ZNF407: variants seen among roughly 807,000 people sequenced by gnomAD.
ZNF407 encodes the protein zinc finger protein 407.
ZNF407 carries 17 observed loss-of-function variants against 131.2 expected under a neutral mutation model. The observed-to-expected ratio is 0.13, with a 90% confidence interval of 0.09 to 0.19. ZNF407 has a LOEUF of 0.19. Among genes scored for constraint, ZNF407 ranks in the 10% least tolerant of loss-of-function variants. The probability of loss-of-function intolerance (pLI) is 1.00; values close to 1 mark genes in which losing one functional copy is unlikely to be tolerated. For synonymous variants in ZNF407, 1,156 were observed against 1,062.0 expected (o/e 1.09, Z -1.72); for missense variants, 2,681 against 2,830.6 (o/e 0.95, Z 1.20).
intron 4 of ZNF407, among the ~76,000 whole-genome samples, chr18:74,855,873 A>C (rs980420314): frequency 3.3e-5 from 5 of 152,154 alleles, no homozygotes; most frequent in African/African-American, 4.8e-5. Flanking sequence ...TATACTTTAC[A>C]TTTTTGCTTT....
At chr18:74,868,836 G>T (rs1369644234) in intron 4 of ZNF407, among the ~76,000 whole-genome samples, 1 of 152,214 alleles carries the variant, frequency 6.6e-6, no homozygotes, top group South Asian at 2.1e-4. Context: ...ATACTGTGGG[G>T]TTCTGATGTT....
intron 4 of ZNF407, chr18:74,804,216 G>GAATCAC (rs1970072831): frequency 3.1e-6 from 4 of 1,295,382 alleles, no homozygotes; most frequent in Non-Finnish European, 3.9e-6. Context: ...TCACACAAAT[G>GAATCAC]TAGGCTAGTC....
Position 74,632,679 on chromosome 18 carries a change from G to C in ZNF407, c.1660G>C (p.Glu554Gln). Reference protein sequence around the residue: ...EIHVKRCHAREMKFYCRTCDF... With the variant: ...EIHVKRCHARQMKFYCRTCDF... ...CCATGTGAAAAGGTGCCATGCCAGAGAGATGAAATTTTACTGCCGTACTTG... is the reference window on the plus strand; with the variant it reads ...CCATGTGAAAAGGTGCCATGCCAGACAGATGAAATTTTACTGCCGTACTTG... The change falls in exon 2 of 9, where the codon GAG (glutamate) becomes CAG (glutamine). Residue 554 changes from glutamate to glutamine, a missense_variant. Transcript: ENST00000299687. The C allele has an allele frequency of 6.2e-7, 1 of 1,614,034 alleles. No individual in the cohort carries two copies. The highest frequency in any genetic ancestry group is 1.3e-5 in the African/African-American group (1 of 75,044).
Position 74,632,783 on chromosome 18 carries a change from G to T in ZNF407, c.1764G>T (p.Leu588=). The change falls in exon 2 of 9, where the codon CTG becomes CTT. Residue 588 remains leucine (L), a synonymous_variant. Transcript: ENST00000299687. The part of the protein sequence containing the change: ...SNQHQQTASV[L]SCQCCSFISL... ...AGCATCAGCAAACTGCTTCTGTCCT[G>T]AGTTGTCAGTGTTGTTCATTTATAT... is the stretch of plus-strand genomic sequence containing the variant. 1 of 1,613,962 alleles carries T rather than the reference G, an allele frequency of 6.2e-7. No homozygotes were observed. Among genetic ancestry groups the T allele is most frequent in the Non-Finnish European group, 8.5e-7 (1 of 1,179,888 alleles).
chr18:74,953,385 T>G (rs1208043583), intron 8 of ZNF407, among the ~76,000 whole-genome samples: 1 of 151,526 alleles, frequency 6.6e-6, no homozygotes, highest in Non-Finnish European at 1.5e-5. Context: ...TTGTTATCTG[T>G]TTTTTTCTAC....
intron 7 of ZNF407, among the ~76,000 whole-genome samples, chr18:74,914,713 C>G (rs1971723366): frequency 6.6e-6 from 1 of 152,056 alleles, no homozygotes; most frequent in Non-Finnish European, 1.5e-5. Context: ...GGGAATGGAC[C>G]CGGCTGCCTG....
At chr18:75,013,221 G>A (rs1403192968) in intron 8 of ZNF407, among the ~76,000 whole-genome samples, 1 of 152,140 alleles carries the variant, frequency 6.6e-6, no homozygotes, top group African/African-American at 2.4e-5. Context: ...GTGGGCAATT[G>A]TAGGAAAGTG....
chr18:74,834,470 G>T (rs1194033887), intron 4 of ZNF407, among the ~76,000 whole-genome samples: 1 of 152,214 alleles, frequency 6.6e-6, no homozygotes, highest in Non-Finnish European at 1.5e-5. Flanking sequence ...GAGAGTCTCT[G>T]TCAGAGCTTT....
chr18:75,043,824 A>G (rs1973401395), intron 8 of ZNF407, among the ~76,000 whole-genome samples: 1 of 152,210 alleles, frequency 6.6e-6, no homozygotes, highest in Admixed American at 6.5e-5. Flanking sequence ...GGTTGACAAC[A>G]CCATGGTCCA....
In ZNF407 at chr18:75,063,397, G is replaced by T. The variant is rs200055040; in HGVS notation, c.5676G>T (p.Thr1892=). ...AGACGGCCGCCGCCACGCTGCAGAC[G>T]CTGGCCATGGCCGGCCAGGTGGCCC... is the stretch of plus-strand genomic sequence containing the variant. The part of the protein sequence containing the change: ...VEETAAATLQ[T]LAMAGQVARV... The change falls in exon 9 of 9, where the codon ACG becomes ACT. Residue 1892 remains threonine, a synonymous_variant. Coordinates refer to ENST00000299687, the MANE Select transcript of ZNF407 (RefSeq NM_017757.3). The surrounding 1 kb of genome is among the most constrained non-coding windows in gnomAD (Gnocchi z 6.6). 6.8e-4 allele frequency: 1,100 copies of T among 1,611,072 alleles called. 7 individuals are homozygous for T. The African/African-American group carries it at 0.013, about 19-fold the overall frequency.
chr18:74,961,492 G>A (rs980411898), intron 8 of ZNF407, among the ~76,000 whole-genome samples: 4 of 152,146 alleles, frequency 2.6e-5, no homozygotes, highest in African/African-American at 9.7e-5. Context: ...GCCAAGGCCG[G>A]GGGATCACTT....
chr18:74,686,149 C>T (rs1047867655), intron 3 of ZNF407, among the ~76,000 whole-genome samples: 3 of 152,234 alleles, frequency 2.0e-5, no homozygotes, highest in South Asian at 2.1e-4. Flanking sequence ...CTTTCTTTCA[C>T]TTTGGGTTTT....
At chr18:74,786,629 C>T (rs942386864) in intron 4 of ZNF407, among the ~76,000 whole-genome samples, 1 of 151,668 alleles carries the variant, frequency 6.6e-6, no homozygotes, top group African/African-American at 2.4e-5. Flanking sequence ...TATTTTGTTG[C>T]GTGGGGAAGG....
rs1056602956 is a variant in ZNF407, at chr18:74,879,246, A to G, written c.5045-1790A>G. 4.8e-4 allele frequency among the ~76,000 whole-genome samples: 73 copies of G among 152,324 alleles called. 1 individual carries two copies. Among genetic ancestry groups the G allele is most frequent in the African/African-American group, 1.7e-3 (72 of 41,576 alleles). On this transcript the variant is annotated intron_variant, in intron 5 of 8. Coordinates refer to ENST00000299687, the MANE Select transcript of ZNF407 (RefSeq NM_017757.3). ...ACAAAGAAGTTCATAAATGACAGAA[A>G]GGAAGAATACTTGAATCCAGAAGTC...
chr18:74,885,266 A>G (rs1971292541), intron 6 of ZNF407, among the ~76,000 whole-genome samples: 1 of 152,186 alleles, frequency 6.6e-6, no homozygotes, highest in Non-Finnish European at 1.5e-5. Context: ...TTGTTTTTAA[A>G]TAAGACACCA....
chr18:74,951,447 G>A (rs1328417186), intron 8 of ZNF407, among the ~76,000 whole-genome samples: 1 of 152,122 alleles, frequency 6.6e-6, no homozygotes, highest in East Asian at 1.9e-4. Flanking sequence ...TTGGCAAACT[G>A]CAGAACACTG....
At chr18:75,062,587 C>T (rs1033616207) in intron 8 of ZNF407, 1 of 152,216 alleles carries the variant, frequency 6.6e-6, no homozygotes, top group Admixed American at 6.5e-5. Flanking sequence ...CCTGAAACGT[C>T]GATGTTCAAT....
chr18:74,950,029 G>A (rs931219909), intron 8 of ZNF407, among the ~76,000 whole-genome samples: 4 of 152,218 alleles, frequency 2.6e-5, no homozygotes, highest in Non-Finnish European at 2.9e-5. Flanking sequence ...AGCAGTAGAA[G>A]AGTGTTTGAG....
At chr18:75,016,870 CCAGCA>C (rs1973050736) in intron 8 of ZNF407, among the ~76,000 whole-genome samples, 1 of 152,000 alleles carries the variant, frequency 6.6e-6, no homozygotes, top group Admixed American at 6.6e-5. Context: ...AGAAGGAGTC[CCAGCA>C]TTTGTAGCCA....
Sources: gnomAD v4.1 joint callset for allele counts (sites outside exome capture counted in the v4.1 genomes callset) on GRCh38, gnomAD v4.1.1 for gene constraint, Gnocchi (gnomAD v3.1) non-coding constraint, MANE v1.5 for transcripts, NCBI Gene and HGNC (gene_info 2026-07-23, HGNC 2026-07-21) for gene names.